The following HECTD2 variants were observed in gnomAD, a reference collection of about 807,000 sequenced individuals.
HECTD2 encodes the protein probable E3 ubiquitin-protein ligase HECTD2.
Under a neutral mutation model 103.2 loss-of-function variants are expected in HECTD2, and 35 were observed. The observed-to-expected ratio is 0.34, with a 90% CI of 0.26 to 0.45. HECTD2 has a LOEUF of 0.45. Among genes scored for constraint, HECTD2 ranks in the 20% least tolerant of loss-of-function variants. The pLI is 1.00. For synonymous variants in HECTD2, 281 were observed against 329.9 expected (o/e 0.85, Z 1.61); for missense variants, 596 against 937.4 (o/e 0.64, Z 4.76).
chr10:91,512,387 TAGA>T lies in HECTD2; in HGVS notation c.*7_*9del, dbSNP rs999123052. The stretch of plus-strand genomic sequence containing the variant: ...CAGAAGGTTTTGGACTTGAGTAACC[TAGA>T]AGACTTGAAATATAATCTTTTATAT... On this transcript the variant is annotated 3_prime_UTR_variant, in exon 21 of 21. Transcript: ENST00000298068. 2 of 1,611,412 alleles carry T rather than the reference TAGA, an allele frequency of 1.2e-6. No individual in the cohort carries two copies. Among genetic ancestry groups the T allele is most frequent in the Admixed American group, 1.7e-5 (1 of 59,918 alleles).
intron 11 of HECTD2, among the ~76,000 whole-genome samples, chr10:91,490,293 A>G (rs1846417657): frequency 2.0e-5 from 3 of 152,030 alleles, no homozygotes; most frequent in African/African-American, 4.8e-5. Context: ...CATTAGTTGT[A>G]TATGTACTTA....
chr10:91,466,466 CTTTTG>C (rs1035541833), intron 5 of HECTD2, among the ~76,000 whole-genome samples: 1 of 152,074 alleles, frequency 6.6e-6, no homozygotes, highest in African/African-American at 2.4e-5. Flanking sequence ...TTAATTTGCT[CTTTTG>C]TTTTAGTTTC....
chr10:91,461,357 G>T lies in HECTD2; in HGVS notation c.510+1G>T. 1 of 1,335,998 alleles carries T rather than the reference G, an allele frequency of 7.5e-7. No individual in the cohort carries two copies. 82.8% of individuals were successfully genotyped at this position (1,335,998 alleles called of 1,614,324 possible). ...CCCAGAATTAAATGCTGCATTTAAG[G>T]TAATTATACATAAAACACACTTTTC... On this transcript the variant is annotated splice_donor_variant, in intron 4 of 20. Transcript: ENST00000298068. LOFTEE classifies it high-confidence loss of function.
At chr10:91,424,249 G>A (rs1843470209) in intron 1 of HECTD2, among the ~76,000 whole-genome samples, 1 of 152,110 alleles carries the variant, frequency 6.6e-6, no homozygotes, top group African/African-American at 2.4e-5. Context: ...CTTGTGGCCT[G>A]TTAGAATGAA....
rs1467951552 is a variant in HECTD2 at position 91,445,623 on chromosome 10, T to G, written c.269-14804T>G. ...CAGCCGAATAGGAACAGCTCCGGTC[T>G]GCAGCTCCCAGTGAGATCAACGCAG... On this transcript the variant is annotated intron_variant, in intron 2 of 20. Transcript: ENST00000298068. Among the ~76,000 whole-genome samples, 4 of 152,076 alleles carry G rather than the reference T, an allele frequency of 2.6e-5. No homozygotes were observed. The East Asian group carries it at 7.7e-4, about 29-fold the overall frequency.
intron 1 of HECTD2, among the ~76,000 whole-genome samples, chr10:91,422,722 T>C (rs538340099): frequency 2.0e-5 from 3 of 152,196 alleles, no homozygotes; most frequent in Non-Finnish European, 4.4e-5. Context: ...TTACTGACTA[T>C]TTTATGGAAA....
intron 1 of HECTD2, among the ~76,000 whole-genome samples, chr10:91,412,682 G>GTGTGTGTGTGTGTA (rs1842973273): frequency 6.6e-6 from 1 of 151,328 alleles, no homozygotes; most frequent in Non-Finnish European, 1.5e-5. Context: ...GTGTGTGTGT[G>GTGTGTGTGTGTGTA]TGTGTGTGTG....
intron 2 of HECTD2, among the ~76,000 whole-genome samples, chr10:91,444,888 T>C (rs139358344): frequency 6.6e-6 from 1 of 152,206 alleles, no homozygotes; most frequent in African/African-American, 2.4e-5. Context: ...AGCGAACTTA[T>C]GAACACTGTG....
At chr10:91,446,055 C>G (rs1306537255) in intron 2 of HECTD2, among the ~76,000 whole-genome samples, 1 of 152,032 alleles carries the variant, frequency 6.6e-6, no homozygotes, top group Non-Finnish European at 1.5e-5. Context: ...CAAGTGGGTC[C>G]CTGACACCCA....
intron 20 of HECTD2, among the ~76,000 whole-genome samples, chr10:91,503,335 T>C (rs11186595): frequency 0.2 from 30,392 of 151,968 alleles, 7,201 homozygotes; most frequent in African/African-American, 0.58. Context: ...ACGCAGAAGA[T>C]GGGTGATTTC....
chr10:91,416,473 A>C (rs1843131980), intron 1 of HECTD2, among the ~76,000 whole-genome samples: 1 of 152,224 alleles, frequency 6.6e-6, no homozygotes, highest in South Asian at 2.1e-4. Flanking sequence ...TGTCTACAGT[A>C]TTCAGCATGG....
At chr10:91,508,079 CT>C (rs1247663143) in intron 20 of HECTD2, among the ~76,000 whole-genome samples, 1 of 105,940 alleles carries the variant, frequency 9.4e-6, no homozygotes. Context: ...ATGTAGAAAG[CT>C]GAAACTGGAT....
Position 91,491,230 on chromosome 10 carries a change from C to A in HECTD2, c.1222C>A (p.Gln408Lys). Residue 408 changes from glutamine to lysine, a missense_variant, in exon 12 of 21, where the codon CAG becomes AAG. Physicochemically the swap from Gln to Lys is moderately conservative, Grantham distance 53 (BLOSUM62 1). Coordinates refer to ENST00000298068, the MANE Select transcript of HECTD2 (RefSeq NM_182765.6). ...TCTGGTGGATAAAGTATCTCGAAGACAGAGACCTGATATGAATATATTATT... is the reference window on the plus strand; with the variant it reads ...TCTGGTGGATAAAGTATCTCGAAGAAAGAGACCTGATATGAATATATTATT... ...QSLVDKVSRRQRPDMNILFLN... is the reference protein window; with the variant it reads ...QSLVDKVSRRKRPDMNILFLN... 1.3e-6 allele frequency: 2 copies of A among 1,583,852 alleles called. No homozygotes were observed. The highest frequency in any genetic ancestry group is 8.6e-7 in the Non-Finnish European group (1 of 1,157,802).
At chr10:91,461,121 A>T (rs576041404) in intron 3 of HECTD2, 133 bp from the exon 4 acceptor site, 2 of 485,858 alleles carry the variant, frequency 4.1e-6, no homozygotes, top group Admixed American at 7.8e-5. Context: ...TCCATAAACT[A>T]TATTAACTGG....
rs564409405 is a variant in HECTD2, at chr10:91,426,167, G to A, written c.268+757G>A. 1.2e-4 allele frequency among the ~76,000 whole-genome samples: 19 copies of A among 152,128 alleles called. No homozygotes were observed. The South Asian group carries it at 1.9e-3, about 15-fold the overall frequency. ...CTTTGAGCATAGAGGGGTGCTTACC[G>A]ATCTGTTAATGGTTTCCTCAGGGAG... On this transcript the variant is annotated intron_variant, in intron 2 of 20. Transcript: ENST00000298068.
At chr10:91,430,834 G>A (rs4415665) in intron 2 of HECTD2, among the ~76,000 whole-genome samples, 28,807 of 150,212 alleles carry the variant, frequency 0.19, 6,475 homozygotes, top group African/African-American at 0.56. Context: ...TCTTTATCCA[G>A]TTTGCCAGTC....
chr10:91,471,012 GCA>G (rs1229787840), intron 5 of HECTD2, among the ~76,000 whole-genome samples: 2 of 144,472 alleles, frequency 1.4e-5, no homozygotes, highest in Admixed American at 1.4e-4. Flanking sequence ...AGACACACAC[GCA>G]CACACACAAA....
chr10:91,446,190 C>A, intron 2 of HECTD2, among the ~76,000 whole-genome samples: 1 of 150,966 alleles, frequency 6.6e-6, no homozygotes, highest in African/African-American at 2.4e-5. Context: ...CAGGCAGCAA[C>A]CTTTGCTGTT....
At chr10:91,414,869 G>A (rs983182806) in intron 1 of HECTD2, among the ~76,000 whole-genome samples, 1 of 152,188 alleles carries the variant, frequency 6.6e-6, no homozygotes, top group African/African-American at 2.4e-5. Context: ...TCACTAGGCA[G>A]AAAAGCTTAG....
Sources: gnomAD v4.1 joint callset for allele counts (sites outside exome capture counted in the v4.1 genomes callset) on GRCh38, gnomAD v4.1.1 for gene constraint, MANE v1.5 for transcripts, NCBI Gene and HGNC (gene_info 2026-07-23, HGNC 2026-07-21) for gene names.